The following IGFBP7 variants were observed in gnomAD, a reference collection of about 807,000 sequenced individuals.
The protein encoded by IGFBP7 is insulin like growth factor binding protein 7, also known as insulin-like growth factor-binding protein 7.
A neutral mutation model predicts 29.4 loss-of-function variants in IGFBP7; 31 were observed. The observed-to-expected ratio is 1.05, with a 90% CI of 0.79 to 1.42. The LOEUF (loss-of-function observed/expected upper bound fraction) is 1.42, where lower values mean the gene tolerates loss of function less well. Among genes scored for constraint, IGFBP7 ranks in the 40% most tolerant of loss-of-function variants. The pLI, the probability that IGFBP7 is intolerant of heterozygous loss-of-function variation, is 0.00. For missense variants in IGFBP7, 393 were observed against 395.5 expected, an observed-to-expected ratio of 0.99 and a Z score of 0.05; for synonymous variants, 172 against 174.9, an observed-to-expected ratio of 0.98 and a Z score of 0.13.
intron 1 of IGFBP7, among the ~76,000 whole-genome samples, chr4:57,080,434 T>C (rs1020030508): frequency 2.0e-5 from 3 of 152,216 alleles, no homozygotes; most frequent in African/African-American, 7.2e-5. Context: ...AGAATATTGA[T>C]TGCAGACACA....
At chr4:57,107,059 G>A (rs912423535) in intron 1 of IGFBP7, among the ~76,000 whole-genome samples, 3 of 152,332 alleles carry the variant, frequency 2.0e-5, no homozygotes, top group African/African-American at 2.4e-5. Flanking sequence ...TCCCAGTTGG[G>A]TAAGTGGTGA....
At chr4:57,041,026 G>A (rs1488445637) in intron 1 of IGFBP7, 93 bp from the exon 2 acceptor site, 7 of 823,182 alleles carry the variant, frequency 8.5e-6, no homozygotes, top group African/African-American at 6.7e-5. Context: ...TTGTTTATGA[G>A]GCCATCCCCT....
chr4:57,082,222 C>T (rs1172759038), intron 1 of IGFBP7, among the ~76,000 whole-genome samples: 1 of 152,076 alleles, frequency 6.6e-6, no homozygotes, highest in Non-Finnish European at 1.5e-5. Context: ...AGTGGAGGAA[C>T]AGGTGTGAGT....
intron 1 of IGFBP7, among the ~76,000 whole-genome samples, chr4:57,084,792 T>TG (rs1206548690): frequency 1.4e-4 from 20 of 146,314 alleles, no homozygotes; most frequent in Middle Eastern, 3.5e-3. Context: ...AAAAAGGTTT[T>TG]TTTTTTTTTT....
intron 1 of IGFBP7, among the ~76,000 whole-genome samples, chr4:57,067,053 G>A (rs1578628734): frequency 6.6e-6 from 1 of 150,758 alleles, no homozygotes; most frequent in African/African-American, 2.4e-5. Flanking sequence ...ACAAAACAAA[G>A]TATCAATAAC....
rs2067625 is a variant in IGFBP7, at chr4:57,089,579, G to C, written c.475+20298C>G. 5.5e-3 allele frequency among the ~76,000 whole-genome samples: 839 copies of C among 152,216 alleles called. 6 individuals carry two copies. Among genetic ancestry groups the C allele is most frequent in the African/African-American group, 0.019 (809 of 41,502 alleles). ...TCAGTGAAGTCTGATGGGGTCTGTGGTCTCTAAAACACTAAGCTTCTAGTC... is the reference window on the plus strand; with the variant it reads ...TCAGTGAAGTCTGATGGGGTCTGTGCTCTCTAAAACACTAAGCTTCTAGTC... On this transcript the variant is annotated intron_variant, in intron 1 of 4. Transcript: ENST00000295666.
chr4:57,080,521 T>C (rs945042562), intron 1 of IGFBP7, among the ~76,000 whole-genome samples: 11 of 152,090 alleles, frequency 7.2e-5, no homozygotes, highest in Non-Finnish European at 1.2e-4. Flanking sequence ...AGAGGAAGAT[T>C]TTGAGTGAAA....
chr4:57,095,722 A>G (rs1293368768), intron 1 of IGFBP7, among the ~76,000 whole-genome samples: 1 of 152,182 alleles, frequency 6.6e-6, no homozygotes, highest in African/African-American at 2.4e-5. Context: ...TTGTGACAAT[A>G]GAGAGTAACT....
At chr4:57,068,441 G>T (rs774773232) in intron 1 of IGFBP7, among the ~76,000 whole-genome samples, 6 of 152,140 alleles carry the variant, frequency 3.9e-5, no homozygotes, top group Non-Finnish European at 8.8e-5. Context: ...GGAAACGGCA[G>T]CCAGTGACAA....
Position 57,110,173 on chromosome 4 carries a change from C to G in IGFBP7, c.179G>C (p.Cys60Ser). 1 of 1,408,850 alleles carries G rather than the reference C, an allele frequency of 7.1e-7. No homozygotes were observed. The highest frequency in any genetic ancestry group is 9.2e-7 in the Non-Finnish European group (1 of 1,091,334). The allele number at this position is 1,408,850 out of a possible 1,614,324, so 87.3% of individuals were successfully genotyped here. ...GCCCTCGCCGCGGGCGCACATAGGG[C>G]AGCAGCCGCACGCGTCGCGGGTCTC... ...LGETRDACGCCPMCARGEGEP... is the reference protein window; with the variant it reads ...LGETRDACGCSPMCARGEGEP... The change falls in exon 1 of 5, where the codon TGC (cysteine) becomes TCC (serine). Residue 60 changes from cysteine (C) to serine (S), a missense_variant. Coordinates refer to ENST00000295666, the MANE Select transcript of IGFBP7 (RefSeq NM_001553.3).
At chr4:57,072,894 C>A in intron 1 of IGFBP7, 1 of 687,504 alleles carries the variant, frequency 1.5e-6, no homozygotes, top group Admixed American at 1.8e-5. Flanking sequence ...TTCCTCACGC[C>A]CTGCTACCAC....
intron 1 of IGFBP7, among the ~76,000 whole-genome samples, chr4:57,103,056 A>G (rs1725935352): frequency 6.6e-6 from 1 of 152,172 alleles, no homozygotes; most frequent in Non-Finnish European, 1.5e-5. Context: ...AAAAAGCTCC[A>G]CAAGGGCTTT....
At chr4:57,039,010 A>G (rs1288677118) in intron 2 of IGFBP7, among the ~76,000 whole-genome samples, 2 of 143,832 alleles carry the variant, frequency 1.4e-5, no homozygotes, top group African/African-American at 5.2e-5. Flanking sequence ...GGTTGCGGTG[A>G]GCCGAGATGG....
At chr4:57,091,994 G>T (rs1047372707) in intron 1 of IGFBP7, among the ~76,000 whole-genome samples, 29 of 152,314 alleles carry the variant, frequency 1.9e-4, no homozygotes, top group African/African-American at 6.0e-4. Flanking sequence ...ATTATGCAGG[G>T]AAGTTGCATT....
Position 57,031,040 on chromosome 4 carries a change from A to C in IGFBP7, c.*277T>G. The stretch of plus-strand genomic sequence containing the variant: ...TTAAATATCTTGGTGTCTTGTTTCT[A>C]TTGTGTGGCTTTTTAAAAATGACAA... On this transcript the variant is annotated 3_prime_UTR_variant, in exon 5 of 5. Coordinates refer to ENST00000295666, the MANE Select transcript of IGFBP7 (RefSeq NM_001553.3). 2 of 1,121,830 alleles carry C rather than the reference A, an allele frequency of 1.8e-6. No homozygotes were observed. Among genetic ancestry groups the C allele is most frequent in the Non-Finnish European group, 2.7e-6 (2 of 733,106 alleles). 69.5% of individuals were successfully genotyped at this position (1,121,830 alleles called of 1,614,324 possible).
At chr4:57,048,337 C>T (rs1321727525) in intron 1 of IGFBP7, among the ~76,000 whole-genome samples, 1 of 152,194 alleles carries the variant, frequency 6.6e-6, no homozygotes, top group African/African-American at 2.4e-5. Flanking sequence ...GAGTGAGCAA[C>T]AGCACCCGGC....
chr4:57,066,598 C>G (rs1724927159), intron 1 of IGFBP7, among the ~76,000 whole-genome samples: 1 of 151,758 alleles, frequency 6.6e-6, no homozygotes, highest in Non-Finnish European at 1.5e-5. Flanking sequence ...GAGTCTTGCT[C>G]TGTCGCCCAG....
chr4:57,035,134 C>T (rs1724051502), intron 2 of IGFBP7, among the ~76,000 whole-genome samples: 1 of 152,162 alleles, frequency 6.6e-6, no homozygotes, highest in Non-Finnish European at 1.5e-5. Flanking sequence ...CACTGAAATA[C>T]TGAATCTCAG....
intron 1 of IGFBP7, among the ~76,000 whole-genome samples, chr4:57,096,544 C>T (rs1218361172): frequency 2.0e-5 from 3 of 152,048 alleles, no homozygotes; most frequent in Non-Finnish European, 4.4e-5. Flanking sequence ...CTGTAAAGCT[C>T]CCCAGGTGAT....
Sources: allele counts gnomAD v4.1 joint callset (sites outside exome capture counted in the v4.1 genomes callset), GRCh38; gene constraint gnomAD v4.1.1; transcripts MANE v1.5; gene names NCBI Gene and HGNC (gene_info 2026-07-23, HGNC 2026-07-21).